CDH13: variants seen among roughly 807,000 people sequenced by gnomAD.
CDH13 encodes cadherin-13.
Under a neutral mutation model 63.8 loss-of-function variants are expected in CDH13, and 24 were observed. That is an observed-to-expected ratio of 0.38 (90% confidence interval 0.27 to 0.53). The LOEUF (loss-of-function observed/expected upper bound fraction) is 0.53, where lower values mean the gene tolerates loss of function less well. Among genes scored for constraint, CDH13 ranks in the 20% least tolerant of loss-of-function variants. The pLI is 0.85. For synonymous variants in CDH13, 503 were observed against 355.3 expected (o/e 1.42, Z -4.67); for missense variants, 1,049 against 903.1 (o/e 1.16, Z -2.07).
chr16:83,754,885 G>A (rs556111142), intron 11 of CDH13, among the ~76,000 whole-genome samples: 3 of 152,170 alleles, frequency 2.0e-5, no homozygotes, highest in Admixed American at 2.0e-4. Flanking sequence ...ACAGGAGAGG[G>A]AAAAACTCAT....
At chr16:83,783,734 G>T (rs1051715762) in intron 13 of CDH13, among the ~76,000 whole-genome samples, 1 of 152,176 alleles carries the variant, frequency 6.6e-6, no homozygotes, top group African/African-American at 2.4e-5. Flanking sequence ...TAGGTGGTAA[G>T]CAAAACTTCC....
intron 3 of CDH13, among the ~76,000 whole-genome samples, chr16:83,117,167 T>C (rs2151630859): frequency 6.6e-6 from 1 of 152,300 alleles, no homozygotes; most frequent in Admixed American, 6.5e-5. Flanking sequence ...TCAAAACCCT[T>C]CCAGGGCTCA....
chr16:83,727,175 C>A (rs941376040), intron 10 of CDH13, among the ~76,000 whole-genome samples: 1 of 152,042 alleles, frequency 6.6e-6, no homozygotes, highest in Non-Finnish European at 1.5e-5. Context: ...TAACCGTTAA[C>A]GTGCTTCCTT....
chr16:83,166,092 G>C (rs1331054719), intron 4 of CDH13, among the ~76,000 whole-genome samples: 1 of 152,166 alleles, frequency 6.6e-6, no homozygotes, highest in Non-Finnish European at 1.5e-5. Flanking sequence ...GCAGCAGGCA[G>C]TGATGCTGAC....
chr16:83,653,057 A>G lies in CDH13; in HGVS notation c.1102-17733A>G, dbSNP rs1236823246. Among the ~76,000 whole-genome samples the G allele has an allele frequency of 2.0e-5, 3 of 152,198 alleles. No homozygotes were observed. In the East Asian group the frequency reaches 5.8e-4, roughly 29 times the overall value. On this transcript the variant is annotated intron_variant, in intron 8 of 13. Transcript: ENST00000567109. ...TGAAAAAAGTCAGACAGAAATGGCC[A>G]TATATTGCGCAATTCCATTTCTATG...
At chr16:83,209,035 A>G (rs2039260429) in intron 4 of CDH13, among the ~76,000 whole-genome samples, 1 of 151,952 alleles carries the variant, frequency 6.6e-6, no homozygotes, top group African/African-American at 2.4e-5. Context: ...ACCCCTATCA[A>G]CTCCAGTGGG....
intron 1 of CDH13, among the ~76,000 whole-genome samples, chr16:82,762,111 A>C (rs1429260206): frequency 2.0e-5 from 3 of 152,324 alleles, no homozygotes; most frequent in South Asian, 2.1e-4. Flanking sequence ...AAGAGAGAGT[A>C]CCTTGGACTG....
intron 8 of CDH13, among the ~76,000 whole-genome samples, chr16:83,604,655 G>T (rs567164500): frequency 2.0e-5 from 3 of 152,110 alleles, no homozygotes; most frequent in Non-Finnish European, 2.9e-5. Flanking sequence ...GTGTTTCATG[G>T]AATGTTCACT....
chr16:83,146,466 C>T (rs1335686045), intron 4 of CDH13, among the ~76,000 whole-genome samples: 3 of 152,350 alleles, frequency 2.0e-5, no homozygotes, highest in South Asian at 4.1e-4. Flanking sequence ...CTTATGGTTA[C>T]AAGCTGCCTG....
intron 2 of CDH13, among the ~76,000 whole-genome samples, chr16:82,860,627 A>G (rs137888407): frequency 0.012 from 1,521 of 129,160 alleles, 30 homozygotes; most frequent in African/African-American, 0.044. Context: ...CCGTATGTCC[A>G]TGTATATTAC....
At chr16:83,314,012 G>C (rs1412829112) in intron 5 of CDH13, among the ~76,000 whole-genome samples, 1 of 152,166 alleles carries the variant, frequency 6.6e-6, no homozygotes, top group Non-Finnish European at 1.5e-5. Context: ...TTATGATCAA[G>C]ACATTGTTGT....
intron 2 of CDH13, among the ~76,000 whole-genome samples, chr16:82,904,588 G>A (rs1056371535): frequency 5.3e-5 from 8 of 152,148 alleles, no homozygotes; most frequent in Non-Finnish European, 8.8e-5. Context: ...CAGGGGTTGC[G>A]GAGAGAAAGG....
At chr16:82,847,255 A>G (rs1031990653) in intron 1 of CDH13, among the ~76,000 whole-genome samples, 16 of 152,352 alleles carry the variant, frequency 1.1e-4, no homozygotes, top group African/African-American at 3.8e-4. Context: ...TTAGCAATTT[A>G]AAACGAACAT....
intron 1 of CDH13, among the ~76,000 whole-genome samples, chr16:82,729,745 C>G (rs542488371): frequency 9.8e-5 from 15 of 152,310 alleles, no homozygotes; most frequent in African/African-American, 3.4e-4. Flanking sequence ...AGTGACTTCT[C>G]TCTATCTAGG....
At chr16:82,819,347 C>A (rs188122287) in intron 1 of CDH13, among the ~76,000 whole-genome samples, 133 of 152,296 alleles carry the variant, frequency 8.7e-4, no homozygotes, top group African/African-American at 3.1e-3. Context: ...GACACAGATT[C>A]TAGTATCAAA....
In CDH13 at chr16:83,473,670, C is replaced by T. The variant is rs112672755; in HGVS notation, c.782-12807C>T. On this transcript the variant is annotated intron_variant, in intron 6 of 13. Transcript: ENST00000567109. ...CAGGGCAAGGTCCTCAATAGCCACTCTGTAGGGAGAATTCTGGAAAATTAT... is the reference window on the plus strand; with the variant it reads ...CAGGGCAAGGTCCTCAATAGCCACTTTGTAGGGAGAATTCTGGAAAATTAT... Among the ~76,000 whole-genome samples, 6 of 152,312 alleles carry T rather than the reference C, an allele frequency of 3.9e-5. 1 individual carries two copies. Among genetic ancestry groups the T allele is most frequent in the African/African-American group, 1.4e-4 (6 of 41,552 alleles).
At chr16:83,305,164 G>C (rs1423214892) in intron 5 of CDH13, among the ~76,000 whole-genome samples, 1 of 152,118 alleles carries the variant, frequency 6.6e-6, no homozygotes, top group Non-Finnish European at 1.5e-5. Flanking sequence ...TTTGGGAGTT[G>C]GTGGGGCTCT....
intron 2 of CDH13, among the ~76,000 whole-genome samples, chr16:82,984,465 C>G (rs1221238569): frequency 6.6e-6 from 1 of 152,164 alleles, no homozygotes; most frequent in Non-Finnish European, 1.5e-5. Flanking sequence ...CTTCTCAGAA[C>G]CTCAGATTTC....
chr16:82,738,409 C>G (rs76795863), intron 1 of CDH13, among the ~76,000 whole-genome samples: 335 of 152,314 alleles, frequency 2.2e-3, no homozygotes, highest in African/African-American at 7.5e-3. Context: ...AGCCTCTTGC[C>G]GGAGTCCTCA....
Sources: allele counts gnomAD v4.1 joint callset (sites outside exome capture counted in the v4.1 genomes callset), GRCh38; gene constraint gnomAD v4.1.1; transcripts MANE v1.5; gene names NCBI Gene and HGNC (gene_info 2026-07-23, HGNC 2026-07-21).